The following ERO1B variants were observed in gnomAD, a reference collection of about 807,000 sequenced individuals.
The protein encoded by ERO1B is ERO1-like protein beta.
In ERO1B, 49 loss-of-function variants were observed where a neutral mutation model predicts 75.3. The ratio of observed to expected loss-of-function variants is 0.65; its 90% CI spans 0.52 to 0.83. The LOEUF is 0.83. Ranked by LOEUF, ERO1B falls within the 40% of genes least tolerant of loss-of-function variation. The pLI, the probability that ERO1B is intolerant of heterozygous loss-of-function variation, is 0.00. For missense variants in ERO1B, 512 were observed against 560.1 expected (o/e 0.91, Z 0.87); for synonymous variants, 191 against 192.9 (o/e 0.99, Z 0.08).
At chr1:236,238,924 C>T (rs1418847557) in intron 6 of ERO1B, among the ~76,000 whole-genome samples, 1 of 151,946 alleles carries the variant, frequency 6.6e-6, no homozygotes, top group Non-Finnish European at 1.5e-5. Context: ...TAAAAAATCA[C>T]AAGAGGAAAA....
chr1:236,258,759 T>C (rs2492370), intron 2 of ERO1B, among the ~76,000 whole-genome samples: 150,519 of 152,196 alleles, frequency 0.99, 74,460 homozygotes, highest in East Asian at 1. Context: ...TGTGCTGGTG[T>C]GCACCTGTAA....
chr1:236,259,745 T>C (rs1378472582), intron 2 of ERO1B, among the ~76,000 whole-genome samples: 1 of 151,810 alleles, frequency 6.6e-6, no homozygotes, highest in Non-Finnish European at 1.5e-5. Context: ...AAAGCAAATA[T>C]CAATAGCTTT....
intron 1 of ERO1B, among the ~76,000 whole-genome samples, chr1:236,276,407 A>G (rs6699293): frequency 0.31 from 47,429 of 152,164 alleles, 8,556 homozygotes; most frequent in East Asian, 0.48. Context: ...AATGATTAGC[A>G]GTCAATGGCA....
chr1:236,267,558 G>A (rs1665477542), intron 2 of ERO1B, among the ~76,000 whole-genome samples: 1 of 152,254 alleles, frequency 6.6e-6, no homozygotes. Context: ...GATGTGAACT[G>A]GACCACTTGT....
At chr1:236,276,784 A>T (rs1035263208) in intron 1 of ERO1B, among the ~76,000 whole-genome samples, 21 of 152,226 alleles carry the variant, frequency 1.4e-4, no homozygotes, top group African/African-American at 5.1e-4. Flanking sequence ...GGATGAAAAG[A>T]TAACTTTAAA....
Position 236,245,306 on chromosome 1 carries a change from A to ATGTGTGTATGTATG in ERO1B, c.432-1812_432-1811insCATACATACACACA, listed in dbSNP as rs1553371926. Reference sequence around the variant, plus strand: ...CACCATGCCCAGTCAAAATATATATATATATATATATATATACACACACGT... The same window carrying ATGTGTGTATGTATG: ...CACCATGCCCAGTCAAAATATATATATGTGTGTATGTATGTATATATATATATATACACACACGT... On this transcript the variant is annotated intron_variant, in intron 5 of 15. Coordinates refer to ENST00000354619, the MANE Select transcript of ERO1B (RefSeq NM_019891.4). Among the ~76,000 whole-genome samples, 67 of 21,784 alleles carry ATGTGTGTATGTATG rather than the reference A, an allele frequency of 3.1e-3. 5 individuals are homozygous for ATGTGTGTATGTATG. In the East Asian group the frequency reaches 0.07, roughly 23 times the overall value. The allele number at this position is 21,784 out of a possible 152,430, so 14.3% of individuals were successfully genotyped here.
intron 13 of ERO1B, 41 bp downstream of exon 13, chr1:236,225,029 A>G: frequency 6.3e-7 from 1 of 1,582,338 alleles, no homozygotes; most frequent in South Asian, 1.1e-5. Context: ...CATAACCAGC[A>G]AACTGCTCCC....
rs1295373615 is a variant in ERO1B, at chr1:236,216,816, A to ATTAATTGGATAGTCACT, written c.*1683_*1699dup. The stretch of plus-strand genomic sequence containing the variant: ...TAATTCTTACTAATTTACTAGTTAA[A>ATTAATTGGATAGTCACT]TTAATTGGATAGTCACTTTTTAGAC... On this transcript the variant is annotated 3_prime_UTR_variant, in exon 16 of 16. Transcript: ENST00000354619. 6 of 152,086 alleles carry ATTAATTGGATAGTCACT rather than the reference A, an allele frequency of 3.9e-5. No individual in the cohort carries two copies. Among genetic ancestry groups the ATTAATTGGATAGTCACT allele is most frequent in the Non-Finnish European group, 7.4e-5 (5 of 67,970 alleles). 9.4% of individuals were successfully genotyped at this position (152,086 alleles called of 1,614,324 possible).
intron 13 of ERO1B, among the ~76,000 whole-genome samples, chr1:236,222,258 G>A (rs900422030): frequency 4.6e-5 from 7 of 152,218 alleles, no homozygotes; most frequent in East Asian, 1.9e-4. Context: ...GATTATAGGC[G>A]CATGCCGCCA....
At chr1:236,275,427 C>G (rs185794804) in intron 1 of ERO1B, among the ~76,000 whole-genome samples, 9 of 152,138 alleles carry the variant, frequency 5.9e-5, no homozygotes, top group African/African-American at 2.2e-4. Flanking sequence ...CAGTAATAAC[C>G]AAATGGAAGA....
chr1:236,225,232 T>C, intron 12 of ERO1B, 93 bp from the exon 13 acceptor site: 1 of 1,198,452 alleles, frequency 8.3e-7, no homozygotes, highest in Non-Finnish European at 1.2e-6. Context: ...CTTATGAATA[T>C]TTAAAATTCA....
intron 5 of ERO1B, among the ~76,000 whole-genome samples, chr1:236,247,666 T>C (rs1664918814): frequency 6.6e-6 from 1 of 152,168 alleles, no homozygotes. Context: ...CTCATTATAA[T>C]TGCTTTCAAG....
At chr1:236,266,797 G>C (rs527541471) in intron 2 of ERO1B, among the ~76,000 whole-genome samples, 4 of 152,220 alleles carry the variant, frequency 2.6e-5, no homozygotes, top group African/African-American at 7.2e-5. Context: ...ATATCCTAGA[G>C]TTAGAGCTGA....
chr1:236,241,742 C>T (rs1472266113), intron 6 of ERO1B, among the ~76,000 whole-genome samples: 2 of 151,872 alleles, frequency 1.3e-5, no homozygotes, highest in Admixed American at 6.6e-5. Context: ...ATATTTCTTA[C>T]TTTCTACAAT....
At chr1:236,271,199 C>T (rs1309232915) in intron 1 of ERO1B, among the ~76,000 whole-genome samples, 1 of 151,886 alleles carries the variant, frequency 6.6e-6, no homozygotes, top group Non-Finnish European at 1.5e-5. Flanking sequence ...GAACTAACAA[C>T]CAAAATTTTC....
intron 5 of ERO1B, among the ~76,000 whole-genome samples, chr1:236,248,032 A>G (rs1406587957): frequency 1.3e-5 from 2 of 151,998 alleles, no homozygotes; most frequent in Non-Finnish European, 2.9e-5. Context: ...TTACTTACTT[A>G]TTTCTCATAT....
At chr1:236,226,599 A>T (rs1558506205) in intron 11 of ERO1B, 48 bp downstream of exon 11, 1 of 1,595,338 alleles carries the variant, frequency 6.3e-7, no homozygotes, top group East Asian at 2.2e-5. Context: ...CTCTCCAATA[A>T]TTTTTACACT....
intron 2 of ERO1B, among the ~76,000 whole-genome samples, chr1:236,257,614 A>G (rs1665189135): frequency 6.6e-6 from 1 of 151,896 alleles, no homozygotes; most frequent in Admixed American, 6.6e-5. Flanking sequence ...TACTGAAAGG[A>G]AGATATGTGA....
At chr1:236,265,047 CTTTT>C (rs35846063) in intron 2 of ERO1B, among the ~76,000 whole-genome samples, 15 of 147,422 alleles carry the variant, frequency 1.0e-4, no homozygotes, top group East Asian at 9.8e-4. Context: ...ATTTTTTTCT[CTTTT>C]TTTTTTTTTT....
Sources: gnomAD v4.1 joint callset for allele counts (sites outside exome capture counted in the v4.1 genomes callset) on GRCh38, gnomAD v4.1.1 for gene constraint, MANE v1.5 for transcripts, NCBI Gene and HGNC (gene_info 2026-07-23, HGNC 2026-07-21) for gene names.